GABRG2: variants seen among roughly 807,000 people sequenced by gnomAD.
The protein encoded by GABRG2 is gamma-aminobutyric acid receptor subunit gamma-2.
A neutral mutation model predicts 56.4 loss-of-function variants in GABRG2; 16 were observed. The observed-to-expected ratio is 0.28, with a 90% CI of 0.19 to 0.43. GABRG2 has a LOEUF of 0.43. GABRG2 is among the 20% of genes least tolerant of loss of function. GABRG2 has a pLI of 1.00. For missense variants in GABRG2, 327 were observed against 582.7 expected (o/e 0.56, Z 4.52); for synonymous variants, 208 against 205.5 (o/e 1.01, Z -0.10).
intron 1 of GABRG2, among the ~76,000 whole-genome samples, chr5:162,086,230 AGCC>A (rs1760097768): frequency 2.6e-5 from 4 of 152,060 alleles, no homozygotes; most frequent in Non-Finnish European, 5.9e-5. Flanking sequence ...AAAGAGAGTG[AGCC>A]ACTTACTAAG....
intron 6 of GABRG2, among the ~76,000 whole-genome samples, chr5:162,131,252 G>A (rs533708595): frequency 7.9e-5 from 12 of 152,104 alleles, no homozygotes; most frequent in Non-Finnish European, 1.0e-4. Flanking sequence ...GCCTAGTTTC[G>A]TGATAATATA....
At position 162,097,684 on chromosome 5, in the gene GABRG2, G is replaced by A; in HGVS notation, c.374G>A (p.Arg125His). Residue 125 changes from arginine to histidine, a missense_variant, in exon 4 of 10, where the codon CGT (arginine) becomes CAT (histidine). Physicochemically the swap from Arg to His is conservative, Grantham distance 29. Coordinates refer to ENST00000639213, the MANE Select transcript of GABRG2 (RefSeq NM_198904.4). ...TTTGCGCAAACGTGGTATGACAGAC[G>A]TTTGAAATTTAACAGCACCATTAAA... Reference protein sequence around the residue: ...IFFAQTWYDRRLKFNSTIKVL... With the variant: ...IFFAQTWYDRHLKFNSTIKVL... The A allele has an allele frequency of 1.2e-6, 2 of 1,613,734 alleles. No homozygotes were observed. Among genetic ancestry groups the A allele is most frequent in the Non-Finnish European group, 1.7e-6 (2 of 1,179,798 alleles).
At chr5:162,105,634 G>A (rs1237277169) in intron 6 of GABRG2, among the ~76,000 whole-genome samples, 1 of 151,580 alleles carries the variant, frequency 6.6e-6, no homozygotes. Flanking sequence ...GTTTCACCTT[G>A]TTAGCCAGGA....
intron 6 of GABRG2, among the ~76,000 whole-genome samples, chr5:162,123,337 A>G (rs1410839913): frequency 2.6e-5 from 4 of 151,418 alleles, no homozygotes; most frequent in Non-Finnish European, 5.9e-5. Flanking sequence ...TCTTTATTGG[A>G]CTCTAATAAT....
intron 7 of GABRG2, among the ~76,000 whole-genome samples, chr5:162,146,406 C>T (rs1302018231): frequency 1.3e-5 from 2 of 151,946 alleles, no homozygotes; most frequent in Admixed American, 1.3e-4. Flanking sequence ...ATTATAGAAG[C>T]ATTATGAGGA....
intron 6 of GABRG2, among the ~76,000 whole-genome samples, chr5:162,118,767 G>A (rs1398132011): frequency 6.6e-6 from 1 of 152,082 alleles, no homozygotes; most frequent in Non-Finnish European, 1.5e-5. Flanking sequence ...ACTTAAGAAG[G>A]ATGACAAGCT....
At position 162,116,063 on chromosome 5, in the gene GABRG2, G is replaced by A. The variant is rs917955914; in HGVS notation, c.769+12037G>A. The stretch of plus-strand genomic sequence containing the variant: ...GAATAGACACTCATCTTTCCTGACT[G>A]ACAGTCTGATTCCAATTATGAATTA... On this transcript the variant is annotated intron_variant, in intron 6 of 9. Coordinates refer to ENST00000639213, the MANE Select transcript of GABRG2 (RefSeq NM_198904.4). Among the ~76,000 whole-genome samples, 6 of 151,542 alleles carry A rather than the reference G, an allele frequency of 4.0e-5. No homozygotes were observed. The East Asian group carries it at 1.2e-3, about 29-fold the overall frequency.
At chr5:162,077,340 A>G (rs1468660425) in intron 1 of GABRG2, among the ~76,000 whole-genome samples, 2 of 152,216 alleles carry the variant, frequency 1.3e-5, no homozygotes, top group East Asian at 1.9e-4. Flanking sequence ...ACTTATGCAT[A>G]TGAGTTCTTT....
At chr5:162,095,711 T>C in intron 3 of GABRG2, 149 bp downstream of exon 3, 2 of 641,456 alleles carry the variant, frequency 3.1e-6, no homozygotes, top group South Asian at 3.7e-5. Context: ...CTTTTTTTCT[T>C]GTAATATGAA....
intron 6 of GABRG2, among the ~76,000 whole-genome samples, chr5:162,140,575 G>C (rs1764487231): frequency 6.6e-6 from 1 of 152,138 alleles, no homozygotes; most frequent in Non-Finnish European, 1.5e-5. Flanking sequence ...CAAGTAAGTA[G>C]GGAAACGTAG....
chr5:162,095,860 G>A (rs750885532), intron 3 of GABRG2, among the ~76,000 whole-genome samples: 10 of 152,016 alleles, frequency 6.6e-5, no homozygotes, highest in Non-Finnish European at 1.0e-4. Context: ...ATAGGATATA[G>A]TACTCAACTA....
intron 5 of GABRG2, chr5:162,102,965 G>A (rs1453098182): frequency 6.5e-6 from 1 of 153,750 alleles, no homozygotes; most frequent in African/African-American, 2.4e-5. Flanking sequence ...TCTTTACATG[G>A]CATTATTATT....
At chr5:162,135,691 G>A (rs772764189) in intron 6 of GABRG2, among the ~76,000 whole-genome samples, 3 of 152,112 alleles carry the variant, frequency 2.0e-5, no homozygotes, top group African/African-American at 4.8e-5. Flanking sequence ...TACATTAATT[G>A]ACGTTTGAAA....
chr5:162,114,275 T>C (rs1721120505), intron 6 of GABRG2, among the ~76,000 whole-genome samples: 1 of 152,162 alleles, frequency 6.6e-6, no homozygotes, highest in Admixed American at 6.6e-5. Context: ...TTTGGAGTTA[T>C]GTTTTCTTCT....
intron 6 of GABRG2, among the ~76,000 whole-genome samples, chr5:162,127,970 A>C (rs1028371776): frequency 1.3e-5 from 2 of 151,976 alleles, no homozygotes; most frequent in Non-Finnish European, 2.9e-5. Flanking sequence ...GCCCTGTGTG[A>C]AGTTATGCAG....
At chr5:162,119,519 A>G (rs1762842817) in intron 6 of GABRG2, among the ~76,000 whole-genome samples, 1 of 152,170 alleles carries the variant, frequency 6.6e-6, no homozygotes, top group Non-Finnish European at 1.5e-5. Flanking sequence ...TTTTAGAGAT[A>G]AGTTTCTTGA....
chr5:162,127,205 A>C (rs1763396792), intron 6 of GABRG2, among the ~76,000 whole-genome samples: 1 of 152,012 alleles, frequency 6.6e-6, no homozygotes, highest in African/African-American at 2.4e-5. Context: ...AAATCTCTGC[A>C]CAGTGGAAAA....
chr5:162,152,991 C>G, intron 9 of GABRG2, 102 bp from the exon 10 acceptor site: 1 of 1,348,126 alleles, frequency 7.4e-7, no homozygotes, highest in East Asian at 2.3e-5. Context: ...CCTGAGTACC[C>G]ATTTTCAGAT....
chr5:162,151,751 A>C lies in GABRG2; in HGVS notation c.1150A>C (p.Lys384Gln). The C allele has an allele frequency of 6.2e-7, 1 of 1,610,866 alleles. No homozygotes were observed. Among genetic ancestry groups the C allele is most frequent in the Middle Eastern group, 1.7e-4 (1 of 6,050 alleles). ...KNPLLRMFSF[K>Q]APTIDIRPRS... ...AAAGCTTCTTCGGATGTTTTCCTTCAAGGTATAATGTTTTTGGAATGGAAA... is the reference window on the plus strand; with the variant it reads ...AAAGCTTCTTCGGATGTTTTCCTTCCAGGTATAATGTTTTTGGAATGGAAA... The change falls in exon 9 of 10, where the codon AAG (lysine) becomes CAG (glutamine). Residue 384 changes from lysine to glutamine, a missense_variant and splice_region_variant. By Grantham distance (53) the Lys-to-Gln change is moderately conservative. Transcript: ENST00000639213.
Sources: gnomAD v4.1 joint callset for allele counts (sites outside exome capture counted in the v4.1 genomes callset) on GRCh38, gnomAD v4.1.1 for gene constraint, MANE v1.5 for transcripts, NCBI Gene and HGNC (gene_info 2026-07-23, HGNC 2026-07-21) for gene names.